The following B4GALT1 variants were observed in gnomAD, a reference collection of about 807,000 sequenced individuals.
B4GALT1 encodes beta-1,4-galactosyltransferase 1, also known as N-acetyllactosamine synthase.
B4GALT1 carries 16 observed loss-of-function variants against 34.9 expected under a neutral mutation model. The ratio of observed to expected loss-of-function variants is 0.46; its 90% confidence interval spans 0.31 to 0.70. The LOEUF is 0.70. Ranked by LOEUF, B4GALT1 falls within the 30% of genes least tolerant of loss-of-function variation. The pLI is 0.05. For missense variants in B4GALT1, 445 were observed against 530.5 expected (o/e 0.84, Z 1.58); for synonymous variants, 221 against 218.1 (o/e 1.01, Z -0.12).
the B4GALT1 span, among the ~76,000 whole-genome samples, chr9:33,184,506 G>A: frequency 6.6e-6 from 1 of 152,224 alleles, no homozygotes; most frequent in Non-Finnish European, 1.5e-5. Flanking sequence ...GTGGACAATT[G>A]AGGTTTGTAA....
At chr9:33,152,535 A>G (rs1587746734) in intron 1 of B4GALT1, among the ~76,000 whole-genome samples, 1 of 151,742 alleles carries the variant, frequency 6.6e-6, no homozygotes, top group Admixed American at 6.6e-5. Flanking sequence ...AAGGGTAAAA[A>G]AAAATGGGCC....
chr9:33,104,661 C>A, exon 3 of B4GALT1: 1 of 443,320 alleles, frequency 2.3e-6, no homozygotes, highest in Non-Finnish European at 4.5e-6. Context: ...CCCACACAGC[C>A]AGCACGTCTC....
chr9:33,113,723 A>T (rs774898726), intron 5 of B4GALT1, 51 bp downstream of exon 5: 7 of 1,610,364 alleles, frequency 4.3e-6, no homozygotes, highest in Non-Finnish European at 5.1e-6. Flanking sequence ...TCGGACCTGC[A>T]GCCTACCTCA....
intron 2 of B4GALT1, among the ~76,000 whole-genome samples, chr9:33,124,909 AG>A (rs1466768314): frequency 3.3e-5 from 5 of 152,186 alleles, no homozygotes; most frequent in African/African-American, 1.2e-4. Context: ...GGACCTCTGG[AG>A]GCCTGTGAAA....
At chr9:33,130,137 G>T (rs1840173000) in intron 2 of B4GALT1, among the ~76,000 whole-genome samples, 1 of 152,196 alleles carries the variant, frequency 6.6e-6, no homozygotes, top group South Asian at 2.1e-4. Flanking sequence ...GGCTGCCATG[G>T]TTGTGACAAA....
At chr9:33,152,103 G>C (rs563674657) in intron 1 of B4GALT1, among the ~76,000 whole-genome samples, 3 of 151,892 alleles carry the variant, frequency 2.0e-5, no homozygotes, top group Non-Finnish European at 4.4e-5. Context: ...TCAGGAGTTT[G>C]AGATCAGCTT....
upstream of B4GALT1, among the ~76,000 whole-genome samples, chr9:33,171,812 C>CA (rs1840844293): frequency 6.6e-6 from 1 of 152,200 alleles, no homozygotes; most frequent in East Asian, 1.9e-4. Flanking sequence ...GCTTTGGCCT[C>CA]CCAAAGTGCT....
At chr9:33,124,183 A>G (rs760792863) in intron 2 of B4GALT1, among the ~76,000 whole-genome samples, 1 of 152,180 alleles carries the variant, frequency 6.6e-6, no homozygotes, top group Non-Finnish European at 1.5e-5. Flanking sequence ...ACCTTCTTTG[A>G]TAAGAAAGAC....
At chr9:33,184,263 C>G in the B4GALT1 span, among the ~76,000 whole-genome samples, 2 of 151,276 alleles carry the variant, frequency 1.3e-5, no homozygotes, top group Non-Finnish European at 3.0e-5. Context: ...TACACACACA[C>G]ACACACACAC....
intron 1 of B4GALT1, among the ~76,000 whole-genome samples, chr9:33,166,183 T>G (rs1587754835): frequency 6.6e-6 from 1 of 152,186 alleles, no homozygotes; most frequent in Non-Finnish European, 1.5e-5. Flanking sequence ...GTTCACAATA[T>G]CTTCCAAAAC....
chr9:33,135,890 A>AGTGTGTGTGTGTGTGTGTGTGT (rs112875696), intron 1 of B4GALT1, among the ~76,000 whole-genome samples: 3 of 104,156 alleles, frequency 2.9e-5, no homozygotes, highest in Admixed American at 1.0e-4. Context: ...TAACTGGGGA[A>AGTGTGTGTGTGTGTGTGTGTGT]GTGTGTGTGT....
At chr9:33,165,018 G>A (rs1314986121) in intron 1 of B4GALT1, among the ~76,000 whole-genome samples, 1 of 141,928 alleles carries the variant, frequency 7.0e-6, no homozygotes, top group African/African-American at 2.6e-5. Flanking sequence ...CGTCGCCCAG[G>A]CTGGAGTGTA....
the B4GALT1 span, among the ~76,000 whole-genome samples, chr9:33,183,729 A>G: frequency 6.6e-6 from 1 of 151,326 alleles, no homozygotes; most frequent in Non-Finnish European, 1.5e-5. Flanking sequence ...ACATGTATAC[A>G]TATGTAACTA....
the B4GALT1 span, among the ~76,000 whole-genome samples, chr9:33,176,178 C>G: frequency 7.7e-4 from 118 of 152,270 alleles, no homozygotes; most frequent in Non-Finnish European, 2.2e-4. Context: ...TCCTCCTTTT[C>G]CAAAAGAAAT....
downstream of B4GALT1, among the ~76,000 whole-genome samples, chr9:33,109,474 T>G (rs377141248): frequency 2.6e-5 from 4 of 152,244 alleles, no homozygotes; most frequent in Admixed American, 2.0e-4. Flanking sequence ...AAGAGGCTCA[T>G]AGAAACCCCA....
At chr9:33,147,159 C>T (rs1293057479) in intron 1 of B4GALT1, among the ~76,000 whole-genome samples, 1 of 152,120 alleles carries the variant, frequency 6.6e-6, no homozygotes, top group Admixed American at 6.5e-5. Flanking sequence ...GTTCCTAACA[C>T]ACACTAGGCC....
chr9:33,120,493 C>G lies in B4GALT1; in HGVS notation c.762G>C (p.Met254Ile). ...AACACCTGTACGCATTATGGTCATTCATTGGAATGAGGTCCACGTCACTAA... is the reference window on the plus strand; with the variant it reads ...AACACCTGTACGCATTATGGTCATTGATTGGAATGAGGTCCACGTCACTAA... Reference protein sequence around the residue: ...FVFSDVDLIPMNDHNAYRCFS... With the variant: ...FVFSDVDLIPINDHNAYRCFS... The change falls in exon 3 of 6, where the codon ATG becomes ATC. Residue 254 changes from methionine to isoleucine, a missense_variant. Physicochemically the swap from Met to Ile is conservative, Grantham distance 10. Transcript: ENST00000379731. 1 of 1,614,180 alleles carries G rather than the reference C, an allele frequency of 6.2e-7. No homozygotes were observed. The highest frequency in any genetic ancestry group is 8.5e-7 in the Non-Finnish European group (1 of 1,180,038).
chr9:33,173,427 AAAG>A, the B4GALT1 span, among the ~76,000 whole-genome samples: 2 of 152,084 alleles, frequency 1.3e-5, no homozygotes, highest in African/African-American at 4.8e-5. Flanking sequence ...AAAAAAAAAA[AAAG>A]CAACTATATA....
chr9:33,124,850 G>T (rs964935632), intron 2 of B4GALT1, among the ~76,000 whole-genome samples: 13 of 152,252 alleles, frequency 8.5e-5, no homozygotes, highest in Non-Finnish European at 1.9e-4. Flanking sequence ...AAGGGAATTA[G>T]CCTGTGGCTT....
Sources: allele counts gnomAD v4.1 joint callset (sites outside exome capture counted in the v4.1 genomes callset), GRCh38; gene constraint gnomAD v4.1.1; transcripts MANE v1.5; gene names NCBI Gene and HGNC (gene_info 2026-07-23, HGNC 2026-07-21).